The following GLIS3 variants were observed in gnomAD, a reference collection of about 807,000 sequenced individuals.
The protein encoded by GLIS3 is zinc finger protein GLIS3.
In GLIS3, 53 loss-of-function variants were observed where a neutral mutation model predicts 78.6. The ratio of observed to expected loss-of-function variants is 0.67; its 90% confidence interval spans 0.54 to 0.85. GLIS3 has a LOEUF of 0.85. Ranked by LOEUF, GLIS3 falls within the 40% of genes least tolerant of loss-of-function variation. GLIS3 has a pLI of 0.00. For missense variants in GLIS3, 1,703 were observed against 1,231.1 expected, an observed-to-expected ratio of 1.38 and a Z score of -5.74; for synonymous variants, 684 against 509.9, an observed-to-expected ratio of 1.34 and a Z score of -4.60.
chr9:4,439,190 T>G, the GLIS3 span, among the ~76,000 whole-genome samples: 1 of 152,196 alleles, frequency 6.6e-6, no homozygotes, highest in Non-Finnish European at 1.5e-5. Context: ...TATAAAATTT[T>G]TGTATTCCAA....
At chr9:4,406,520 A>G in the GLIS3 span, among the ~76,000 whole-genome samples, 4 of 152,280 alleles carry the variant, frequency 2.6e-5, no homozygotes, top group Non-Finnish European at 2.9e-5. Flanking sequence ...GGGTTTCTCA[A>G]TGTTGGTCAG....
In GLIS3 at chr9:4,286,391, C is replaced by G; in HGVS notation, c.35G>C (p.Arg12Pro). ...AGGCCCCTGTGGGGTTCCCGATGTC[C>G]GGTGGAGACTCATGCTGCATGATCT... ...NGRSCSMSLH[R>P]TSGTPQGPRM... The change falls in exon 2 of 11, where the codon CGG becomes CCG. Residue 12 changes from arginine (R) to proline (P), a missense_variant. Transcript: ENST00000381971. 6.2e-7 allele frequency: 1 copy of G among 1,614,124 alleles called. No individual in the cohort carries two copies. Among genetic ancestry groups the G allele is most frequent in the Non-Finnish European group, 8.5e-7 (1 of 1,180,034 alleles).
At chr9:4,287,412 C>T (rs550873303) in intron 1 of GLIS3, among the ~76,000 whole-genome samples, 2 of 152,306 alleles carry the variant, frequency 1.3e-5, no homozygotes, top group African/African-American at 4.8e-5. Context: ...CACCCACCCA[C>T]GTGATGATGC....
At chr9:4,015,274 C>G (rs1291167976) in intron 4 of GLIS3, among the ~76,000 whole-genome samples, 1 of 152,142 alleles carries the variant, frequency 6.6e-6, no homozygotes, top group Admixed American at 6.5e-5. Flanking sequence ...GAGAATTGCC[C>G]AGGTAAAGAG....
the GLIS3 span, among the ~76,000 whole-genome samples, chr9:4,394,321 T>C: frequency 6.6e-6 from 1 of 151,544 alleles, no homozygotes; most frequent in Non-Finnish European, 1.5e-5. Context: ...TTAAAAATTA[T>C]TATCTCATAA....
chr9:3,928,586 C>T (rs938983563), intron 6 of GLIS3, among the ~76,000 whole-genome samples: 1 of 152,122 alleles, frequency 6.6e-6, no homozygotes, highest in Admixed American at 6.5e-5. Flanking sequence ...GGCTCTGAAC[C>T]GATTTCCAAA....
chr9:3,837,313 C>T (rs906131330), intron 9 of GLIS3, among the ~76,000 whole-genome samples: 1 of 152,174 alleles, frequency 6.6e-6, no homozygotes, highest in Non-Finnish European at 1.5e-5. Context: ...GCAATGGGAA[C>T]TCTCTTTCAC....
At chr9:4,206,664 C>A (rs1819908872) in intron 2 of GLIS3, among the ~76,000 whole-genome samples, 1 of 152,190 alleles carries the variant, frequency 6.6e-6, no homozygotes, top group Non-Finnish European at 1.5e-5. Context: ...ATTCTCAGGT[C>A]TAATAAGGGG....
chr9:4,296,750 G>C (rs771961454), intron 1 of GLIS3, among the ~76,000 whole-genome samples: 10 of 151,910 alleles, frequency 6.6e-5, no homozygotes, highest in Non-Finnish European at 1.2e-4. Flanking sequence ...AATAAGGACA[G>C]GTGTTTTGAA....
intron 1 of GLIS3, chr9:4,298,313 C>T (rs1338994667): frequency 2.2e-6 from 1 of 454,132 alleles, no homozygotes; most frequent in Non-Finnish European, 4.4e-6. Context: ...GCCTCCCAAA[C>T]ACCTCCAGCA....
the GLIS3 span, among the ~76,000 whole-genome samples, chr9:4,476,933 G>A: frequency 2.0e-5 from 3 of 152,252 alleles, no homozygotes; most frequent in East Asian, 3.9e-4. Context: ...GTGAGGATGT[G>A]GAGAGACTGG....
At chr9:4,446,477 G>C in the GLIS3 span, among the ~76,000 whole-genome samples, 1 of 151,306 alleles carries the variant, frequency 6.6e-6, no homozygotes, top group African/African-American at 2.4e-5. Flanking sequence ...CTGTCCAAGT[G>C]GACTAAGACA....
upstream of GLIS3, among the ~76,000 whole-genome samples, chr9:4,352,335 A>G (rs73388151): frequency 0.03 from 4,623 of 152,334 alleles, 257 homozygotes; most frequent in African/African-American, 0.11. Flanking sequence ...TACTAAAATT[A>G]CACTGAGCCC....
At chr9:3,981,271 CACTAT>C (rs1305005614) in intron 4 of GLIS3, among the ~76,000 whole-genome samples, 2 of 152,198 alleles carry the variant, frequency 1.3e-5, no homozygotes, top group Admixed American at 6.5e-5. Flanking sequence ...CAGAATATTG[CACTAT>C]ACATGAATCA....
chr9:4,473,466 A>AAAAAAAAGAAAAAAG, the GLIS3 span, among the ~76,000 whole-genome samples: 4 of 135,416 alleles, frequency 3.0e-5, no homozygotes, highest in Admixed American at 7.8e-5. Context: ...ACAACAAAAA[A>AAAAAAAAGAAAAAAG]AAAGGATCAT....
intron 4 of GLIS3, among the ~76,000 whole-genome samples, chr9:4,031,176 CA>C (rs1823804114): frequency 6.6e-6 from 1 of 152,140 alleles, no homozygotes; most frequent in African/African-American, 2.4e-5. Context: ...AAATGGTACT[CA>C]AACAAATACG....
At chr9:4,416,161 A>G in the GLIS3 span, among the ~76,000 whole-genome samples, 5 of 145,694 alleles carry the variant, frequency 3.4e-5, no homozygotes, top group African/African-American at 1.3e-4. Flanking sequence ...TCAAGGCAAG[A>G]GGATCGCTTG....
chr9:3,917,960 T>A (rs902346928), intron 6 of GLIS3, among the ~76,000 whole-genome samples: 1 of 152,194 alleles, frequency 6.6e-6, no homozygotes, highest in Non-Finnish European at 1.5e-5. Flanking sequence ...AATTTTATGC[T>A]TTCTAGAAGG....
intron 4 of GLIS3, among the ~76,000 whole-genome samples, chr9:4,025,188 G>C (rs981417413): frequency 4.6e-5 from 7 of 151,816 alleles, no homozygotes; most frequent in African/African-American, 1.7e-4. Flanking sequence ...GGAGGCAGAC[G>C]TTGCAGTGAG....
Sources: allele counts gnomAD v4.1 joint callset (sites outside exome capture counted in the v4.1 genomes callset), GRCh38; gene constraint gnomAD v4.1.1; transcripts MANE v1.5; gene names NCBI Gene and HGNC (gene_info 2026-07-23, HGNC 2026-07-21).